The following INPP4B variants were observed in gnomAD, a reference collection of about 807,000 sequenced individuals.
INPP4B encodes inositol polyphosphate 4-phosphatase type II.
INPP4B carries 55 observed loss-of-function variants against 122.5 expected under a neutral mutation model. That is an observed-to-expected ratio of 0.45 (90% CI 0.36 to 0.56). The LOEUF is 0.56. Among genes scored for constraint, INPP4B ranks in the 20% least tolerant of loss-of-function variants. The probability of loss-of-function intolerance (pLI) is 0.00; values close to 1 mark genes in which losing one functional copy is unlikely to be tolerated. For synonymous variants in INPP4B, 403 were observed against 388.7 expected (o/e 1.04, Z -0.43); for missense variants, 1,000 against 1,097.7 (o/e 0.91, Z 1.26).
intron 1 of INPP4B, among the ~76,000 whole-genome samples, chr4:142,835,254 C>T (rs573942824): frequency 2.0e-5 from 3 of 152,266 alleles, no homozygotes; most frequent in African/African-American, 7.2e-5. Flanking sequence ...TATCTATATG[C>T]AGCTTCCTGA....
intron 7 of INPP4B, among the ~76,000 whole-genome samples, chr4:142,316,797 CT>C (rs1235337270): frequency 6.6e-6 from 1 of 152,040 alleles, no homozygotes; most frequent in African/African-American, 2.4e-5. Flanking sequence ...AATTAATATT[CT>C]TTATCCTATT....
At chr4:142,540,076 A>G (rs1175514601) in intron 2 of INPP4B, among the ~76,000 whole-genome samples, 7 of 152,094 alleles carry the variant, frequency 4.6e-5, no homozygotes, top group Non-Finnish European at 8.8e-5. Flanking sequence ...TCTATTAAAT[A>G]CCAGACAAGC....
At chr4:142,482,619 C>T (rs1820697058) in intron 2 of INPP4B, among the ~76,000 whole-genome samples, 2 of 152,136 alleles carry the variant, frequency 1.3e-5, no homozygotes, top group South Asian at 4.1e-4. Flanking sequence ...CTAAGAGACA[C>T]TGATTAGTAC....
chr4:142,454,668 AC>A (rs1207148655), intron 3 of INPP4B, among the ~76,000 whole-genome samples: 1 of 152,110 alleles, frequency 6.6e-6, no homozygotes, highest in African/African-American at 2.4e-5. Flanking sequence ...ATGGATCCAA[AC>A]AGCCTAGGCC....
intron 9 of INPP4B, among the ~76,000 whole-genome samples, chr4:142,273,850 G>C (rs1324065836): frequency 6.6e-6 from 1 of 151,752 alleles, no homozygotes; most frequent in East Asian, 1.9e-4. Flanking sequence ...GGTAAATCCA[G>C]GTTATAAACT....
intron 9 of INPP4B, among the ~76,000 whole-genome samples, chr4:142,293,792 G>GGGT (rs1561771317): frequency 1.3e-5 from 2 of 152,334 alleles, no homozygotes; most frequent in African/African-American, 4.8e-5. Context: ...ACGCTACAAA[G>GGGT]GGTAATACAT....
intron 1 of INPP4B, among the ~76,000 whole-genome samples, chr4:142,830,158 T>C (rs1456302844): frequency 6.6e-6 from 1 of 152,094 alleles, no homozygotes; most frequent in African/African-American, 2.4e-5. Context: ...TAGATACATG[T>C]ATCTACACAT....
At chr4:142,241,497 A>G (rs1248119949) in intron 11 of INPP4B, among the ~76,000 whole-genome samples, 3 of 152,116 alleles carry the variant, frequency 2.0e-5, no homozygotes, top group South Asian at 2.1e-4. Flanking sequence ...AAATTTCTAT[A>G]TTGTTTCTCC....
At chr4:142,348,188 G>T (rs556404408) in intron 7 of INPP4B, among the ~76,000 whole-genome samples, 2 of 151,888 alleles carry the variant, frequency 1.3e-5, no homozygotes, top group South Asian at 2.1e-4. Context: ...TGAAGAGGGC[G>T]CATGGTAGAT....
At chr4:142,549,696 T>C (rs188170160) in intron 2 of INPP4B, among the ~76,000 whole-genome samples, 78 of 152,268 alleles carry the variant, frequency 5.1e-4, no homozygotes, top group South Asian at 1.0e-3. Context: ...AAAGAACTCA[T>C]TCCTTGGATG....
At position 142,152,600 on chromosome 4, in the gene INPP4B, T is replaced by C. The variant is rs1814823272; in HGVS notation, c.1564-6604A>G. ...TTTTAAATTTCAAAATTTCTTCTTCTTTCTTTTATTTTTAGAGATAAGATC... is the reference window on the plus strand; with the variant it reads ...TTTTAAATTTCAAAATTTCTTCTTCCTTCTTTTATTTTTAGAGATAAGATC... On this transcript the variant is annotated intron_variant, in intron 17 of 25. Coordinates refer to ENST00000262992, the MANE Select transcript of INPP4B (RefSeq NM_001101669.3). Among the ~76,000 whole-genome samples the C allele has an allele frequency of 2.0e-5, 3 of 152,146 alleles. No individual in the cohort carries two copies. In the South Asian group the frequency reaches 6.2e-4, roughly 32 times the overall value.
chr4:142,335,146 C>G (rs1157148640), intron 7 of INPP4B, among the ~76,000 whole-genome samples: 1 of 136,840 alleles, frequency 7.3e-6, no homozygotes, highest in Non-Finnish European at 1.6e-5. Flanking sequence ...TGAGTATCCA[C>G]AAATTCCCAA....
chr4:142,796,075 G>A (rs1401375901), intron 1 of INPP4B, among the ~76,000 whole-genome samples: 1 of 151,912 alleles, frequency 6.6e-6, no homozygotes, highest in Non-Finnish European at 1.5e-5. Context: ...TTTGGTTACA[G>A]TATTCATTTA....
chr4:142,508,673 G>A (rs1824329330), intron 2 of INPP4B, among the ~76,000 whole-genome samples: 1 of 152,172 alleles, frequency 6.6e-6, no homozygotes, highest in Non-Finnish European at 1.5e-5. Flanking sequence ...GCATAGTGGT[G>A]TGATAGTTGT....
chr4:142,529,185 G>A (rs62328343), intron 2 of INPP4B, among the ~76,000 whole-genome samples: 64,705 of 151,898 alleles, frequency 0.43, 15,816 homozygotes, highest in Non-Finnish European at 0.58. Context: ...TGCAAGACCA[G>A]TGGATCTGAT....
chr4:142,179,699 C>T (rs1314445301), intron 15 of INPP4B, among the ~76,000 whole-genome samples: 5 of 152,096 alleles, frequency 3.3e-5, no homozygotes, highest in Admixed American at 2.6e-4. Context: ...AATGAAACGT[C>T]TTTTTTATGT....
intron 11 of INPP4B, among the ~76,000 whole-genome samples, chr4:142,247,420 T>A (rs368892472): frequency 6.6e-6 from 1 of 152,290 alleles, no homozygotes; most frequent in South Asian, 2.1e-4. Context: ...ATCAGACTGA[T>A]CCTGGTCTTT....
At chr4:142,753,849 A>G (rs1770101878) in intron 1 of INPP4B, among the ~76,000 whole-genome samples, 1 of 152,096 alleles carries the variant, frequency 6.6e-6, no homozygotes, top group Non-Finnish European at 1.5e-5. Flanking sequence ...AAGCTAGTAT[A>G]CTTATTACAT....
intron 11 of INPP4B, among the ~76,000 whole-genome samples, chr4:142,253,975 GC>G (rs1319618133): frequency 1.3e-5 from 2 of 152,194 alleles, no homozygotes; most frequent in Non-Finnish European, 2.9e-5. Context: ...TTTGAAGAGA[GC>G]AGTGGTTCTC....
Sources: allele counts gnomAD v4.1 joint callset (sites outside exome capture counted in the v4.1 genomes callset), GRCh38; gene constraint gnomAD v4.1.1; transcripts MANE v1.5; gene names NCBI Gene and HGNC (gene_info 2026-07-23, HGNC 2026-07-21).